KCNT2: variants seen among roughly 807,000 people sequenced by gnomAD.
KCNT2 encodes the protein potassium sodium-activated channel subfamily T member 2, also known as potassium channel subfamily T member 2.
Under a neutral mutation model 153.8 loss-of-function variants are expected in KCNT2, and 67 were observed. That is an observed-to-expected ratio of 0.44 (90% CI 0.36 to 0.53). KCNT2 has a LOEUF of 0.53. Among genes scored for constraint, KCNT2 ranks in the 20% least tolerant of loss-of-function variants. The pLI is 0.00. For synonymous variants in KCNT2, 500 were observed against 458.8 expected (o/e 1.09, Z -1.15); for missense variants, 975 against 1,354.8 (o/e 0.72, Z 4.40).
chr1:196,508,279 GAAATATTAAA>G (rs1428711566), intron 1 of KCNT2, among the ~76,000 whole-genome samples: 1 of 148,784 alleles, frequency 6.7e-6, no homozygotes, highest in Non-Finnish European at 1.5e-5. Flanking sequence ...ATCACCTCCT[GAAATATTAAA>G]AAATTTTAAC....
At chr1:196,487,409 A>AGAGTGTGTGTGTGTGTGT (rs1553236224) in intron 3 of KCNT2, among the ~76,000 whole-genome samples, 1 of 146,436 alleles carries the variant, frequency 6.8e-6, no homozygotes, top group Non-Finnish European at 1.5e-5. Context: ...CATGTTATGG[A>AGAGTGTGTGTGTGTGTGT]GTGTGTGTGT....
intron 18 of KCNT2, among the ~76,000 whole-genome samples, chr1:196,330,665 C>T (rs975322150): frequency 6.6e-6 from 1 of 152,044 alleles, no homozygotes; most frequent in African/African-American, 2.4e-5. Flanking sequence ...TCTTGGACAT[C>T]CAAGAATGAC....
chr1:196,595,333 G>A (rs534335298), intron 1 of KCNT2, among the ~76,000 whole-genome samples: 1 of 152,116 alleles, frequency 6.6e-6, no homozygotes, highest in South Asian at 2.1e-4. Flanking sequence ...AATGGTGATA[G>A]ACAAATTAAA....
intron 1 of KCNT2, among the ~76,000 whole-genome samples, chr1:196,494,962 C>T (rs116490844): frequency 0.034 from 5,132 of 150,564 alleles, 294 homozygotes; most frequent in African/African-American, 0.12. Context: ...CAACAGCATG[C>T]GAGCCACTGG....
chr1:196,373,972 A>G (rs1264821539), intron 13 of KCNT2, among the ~76,000 whole-genome samples: 1 of 151,878 alleles, frequency 6.6e-6, no homozygotes, highest in South Asian at 2.1e-4. Context: ...AGTGCAGGCC[A>G]CATCTAAAGA....
chr1:196,249,130 A>G (rs1298674877), intron 26 of KCNT2, among the ~76,000 whole-genome samples: 1 of 152,174 alleles, frequency 6.6e-6, no homozygotes, highest in Admixed American at 6.6e-5. Flanking sequence ...AACTAAAAAA[A>G]TTGGGTATAG....
At chr1:196,289,017 C>A (rs1433953389) in intron 22 of KCNT2, among the ~76,000 whole-genome samples, 1 of 152,122 alleles carries the variant, frequency 6.6e-6, no homozygotes, top group Non-Finnish European at 1.5e-5. Flanking sequence ...TTGACATCTA[C>A]ATCCCACTGT....
chr1:196,515,480 T>G (rs1196148821), intron 1 of KCNT2, among the ~76,000 whole-genome samples: 1 of 152,198 alleles, frequency 6.6e-6, no homozygotes, highest in Non-Finnish European at 1.5e-5. Context: ...GACTTAACAT[T>G]AACAAGGAAG....
intron 25 of KCNT2, among the ~76,000 whole-genome samples, chr1:196,276,788 A>G (rs1005483170): frequency 2.6e-5 from 4 of 152,118 alleles, no homozygotes; most frequent in Non-Finnish European, 5.9e-5. Flanking sequence ...CAAAATCTTG[A>G]GAGCATTGTT....
At chr1:196,374,592 C>A (rs188391998) in intron 13 of KCNT2, among the ~76,000 whole-genome samples, 7 of 151,684 alleles carry the variant, frequency 4.6e-5, no homozygotes, top group Non-Finnish European at 1.0e-4. Context: ...AATACATAAC[C>A]AGATTATTTA....
intron 1 of KCNT2, among the ~76,000 whole-genome samples, chr1:196,557,884 C>T (rs1658886986): frequency 6.6e-6 from 1 of 151,120 alleles, no homozygotes; most frequent in Non-Finnish European, 1.5e-5. Context: ...TCTTTTGTTC[C>T]AAATGAAATC....
intron 5 of KCNT2, among the ~76,000 whole-genome samples, chr1:196,469,809 G>A (rs1028225541): frequency 6.6e-6 from 1 of 152,118 alleles, no homozygotes; most frequent in Admixed American, 6.6e-5. Flanking sequence ...TTCTTGATTG[G>A]TGTCTGACGA....
At chr1:196,278,160 C>T (rs1257377626) in intron 25 of KCNT2, among the ~76,000 whole-genome samples, 3 of 152,210 alleles carry the variant, frequency 2.0e-5, no homozygotes, top group Non-Finnish European at 4.4e-5. Flanking sequence ...TATAGATCAA[C>T]ATATTGCTAT....
At chr1:196,430,542 C>T (rs1163220486) in intron 8 of KCNT2, among the ~76,000 whole-genome samples, 1 of 151,992 alleles carries the variant, frequency 6.6e-6, no homozygotes, top group Non-Finnish European at 1.5e-5. Flanking sequence ...GGATTCCCAG[C>T]CTCCAAACGC....
chr1:196,289,502 A>G (rs999905257), intron 22 of KCNT2, among the ~76,000 whole-genome samples: 1 of 152,128 alleles, frequency 6.6e-6, no homozygotes, highest in Non-Finnish European at 1.5e-5. Context: ...AATTTTTTCT[A>G]CTTATGTTAG....
At chr1:196,240,493 T>C (rs996845338) in intron 26 of KCNT2, among the ~76,000 whole-genome samples, 4 of 152,058 alleles carry the variant, frequency 2.6e-5, no homozygotes, top group Admixed American at 2.0e-4. Context: ...TGTATTATTA[T>C]AGTAGCAGGC....
chr1:196,422,869 G>T (rs1673327665), intron 12 of KCNT2, among the ~76,000 whole-genome samples, 181 bp downstream of exon 12: 1 of 151,868 alleles, frequency 6.6e-6, no homozygotes, highest in South Asian at 2.1e-4. Context: ...AAACACTTTT[G>T]TTAATACAAT....
chr1:196,450,031 A>G (rs910385639), intron 8 of KCNT2, among the ~76,000 whole-genome samples: 14 of 151,802 alleles, frequency 9.2e-5, no homozygotes, highest in African/African-American at 3.4e-4. Context: ...AAGAAGTGGA[A>G]AATAAAAAAA....
At chr1:196,582,049 A>C (rs1022702224) in intron 1 of KCNT2, among the ~76,000 whole-genome samples, 2 of 152,090 alleles carry the variant, frequency 1.3e-5, no homozygotes, top group Non-Finnish European at 2.9e-5. Context: ...GTATGTATTT[A>C]ATATTTACTT....
Sources: gnomAD v4.1 joint callset for allele counts (sites outside exome capture counted in the v4.1 genomes callset) on GRCh38, gnomAD v4.1.1 for gene constraint, MANE v1.5 for transcripts, NCBI Gene and HGNC (gene_info 2026-07-23, HGNC 2026-07-21) for gene names.